Variants in GRID1 observed in about 807,000 individuals in gnomAD.
The protein encoded by GRID1 is glutamate ionotropic receptor delta type subunit 1.
In GRID1, 28 loss-of-function variants were observed where a neutral mutation model predicts 98.0. That is an observed-to-expected ratio of 0.29 (90% CI 0.21 to 0.39). GRID1 has a LOEUF of 0.39. Ranked by LOEUF, GRID1 falls within the 10% of genes least tolerant of loss-of-function variation. The pLI is 1.00. For synonymous variants in GRID1, 553 were observed against 538.5 expected (o/e 1.03, Z -0.37); for missense variants, 1,111 against 1,340.5 (o/e 0.83, Z 2.67).
At chr10:85,621,777 A>G (rs34929197) in intron 13 of GRID1, among the ~76,000 whole-genome samples, 31,459 of 152,008 alleles carry the variant, frequency 0.21, 3,662 homozygotes, top group African/African-American at 0.29. Context: ...GAAGATAACA[A>G]TCCTATAAAT....
rs1433840432 is a variant in GRID1 at position 85,820,137 on chromosome 10, GAAAC to G, written c.1233+34355_1233+34358del. On this transcript the variant is annotated intron_variant, in intron 8 of 15. Transcript: ENST00000327946. ...AGGAAAGAAAGAAGGGAGAAAGAAA[GAAAC>G]AGAAAGAAAGAAAGAAAGAAAGAAA... Among the ~76,000 whole-genome samples, 13 of 119,422 alleles carry G rather than the reference GAAAC, an allele frequency of 1.1e-4. No homozygotes were observed. The South Asian group carries it at 1.7e-3, about 15-fold the overall frequency. The allele number at this position is 119,422 out of a possible 152,430, so 78.3% of individuals were successfully genotyped here. A position where few individuals can be genotyped will look rare whatever the true frequency, so the allele number is the denominator to read the frequency against.
chr10:86,268,448 C>CAAGG (rs1163766760), intron 2 of GRID1, among the ~76,000 whole-genome samples: 4 of 152,196 alleles, frequency 2.6e-5, no homozygotes, highest in Non-Finnish European at 1.5e-5. Flanking sequence ...GCAGCCTGAG[C>CAAGG]AAGGAATCAG....
chr10:85,956,345 G>A (rs1842188988), intron 4 of GRID1, among the ~76,000 whole-genome samples: 1 of 150,816 alleles, frequency 6.6e-6, no homozygotes, highest in Non-Finnish European at 1.5e-5. Flanking sequence ...TCCTATTCCA[G>A]CAAGCTTCTG....
chr10:85,848,541 T>C (rs190107620), intron 8 of GRID1, among the ~76,000 whole-genome samples: 160 of 152,276 alleles, frequency 1.1e-3, no homozygotes, highest in Non-Finnish European at 2.0e-3. Context: ...ATATAAAATG[T>C]ATTACAATAA....
intron 13 of GRID1, among the ~76,000 whole-genome samples, chr10:85,637,518 G>C (rs74370230): frequency 0.034 from 5,109 of 152,312 alleles, 130 homozygotes; most frequent in Non-Finnish European, 0.048. Context: ...CTGTGAAGCA[G>C]TGAAAAGACC....
At chr10:85,639,746 G>A (rs1471399660) in intron 13 of GRID1, among the ~76,000 whole-genome samples, 2 of 152,176 alleles carry the variant, frequency 1.3e-5, no homozygotes, top group Non-Finnish European at 2.9e-5. Flanking sequence ...GGTGGCACAT[G>A]CCTGTAATCC....
At chr10:86,201,492 C>A (rs576980516) in intron 3 of GRID1, among the ~76,000 whole-genome samples, 14 of 152,132 alleles carry the variant, frequency 9.2e-5, no homozygotes, top group African/African-American at 2.9e-4. Context: ...AACCCATGGA[C>A]ACACAGAGGG....
chr10:85,970,992 T>C (rs1275858010), intron 4 of GRID1, among the ~76,000 whole-genome samples: 1 of 152,032 alleles, frequency 6.6e-6, no homozygotes, highest in Non-Finnish European at 1.5e-5. Flanking sequence ...TTCTGCAAGG[T>C]TGCAGGATAC....
chr10:85,845,114 TA>T lies in GRID1; in HGVS notation c.1233+9381del, dbSNP rs565885463. Among the ~76,000 whole-genome samples the T allele has an allele frequency of 8.7e-3, 1,266 of 145,880 alleles. 11 individuals carry two copies. Among genetic ancestry groups the T allele is most frequent in the African/African-American group, 0.021 (848 of 39,898 alleles). ...AATGCAACAAGACAGGAGAAAGAAATAAAAAAAAAACAATTAGAAATGCAAA... is the reference window on the plus strand; with the variant it reads ...AATGCAACAAGACAGGAGAAAGAAATAAAAAAAAACAATTAGAAATGCAAA... On this transcript the variant is annotated intron_variant, in intron 8 of 15. Coordinates refer to ENST00000327946, the MANE Select transcript of GRID1 (RefSeq NM_017551.3).
chr10:86,065,731 C>T (rs1017560228), intron 4 of GRID1, among the ~76,000 whole-genome samples: 1 of 152,262 alleles, frequency 6.6e-6, no homozygotes, highest in African/African-American at 2.4e-5. Context: ...ACGAGGCAGC[C>T]TCAGCCCTCT....
At position 85,602,487 on chromosome 10, in the gene GRID1, G is replaced by A; in HGVS notation, c.2816C>T (p.Thr939Ile). ...GGGCCCTGATGAGAGTGTCCGGCTGGTGCCATGGCTGCTCTGCTCTGGCAG... is the reference window on the plus strand; with the variant it reads ...GGGCCCTGATGAGAGTGTCCGGCTGATGCCATGGCTGCTCTGCTCTGGCAG... ...TFLPEQSSHG[T>I]SRTLSSGPSS... The change falls in exon 16 of 16, where the codon ACC (threonine) becomes ATC (isoleucine). Residue 939 changes from threonine (T) to isoleucine (I), a missense_variant. By Grantham distance (89) the Thr-to-Ile change is moderately conservative (BLOSUM62 -1). Coordinates refer to ENST00000327946, the MANE Select transcript of GRID1 (RefSeq NM_017551.3). 6.2e-7 allele frequency: 1 copy of A among 1,614,156 alleles called. No individual in the cohort carries two copies. Among genetic ancestry groups the A allele is most frequent in the African/African-American group, 1.3e-5 (1 of 75,058 alleles).
intron 2 of GRID1, among the ~76,000 whole-genome samples, chr10:86,268,719 A>G (rs1847142056): frequency 6.6e-6 from 1 of 151,996 alleles, no homozygotes; most frequent in Admixed American, 6.6e-5. Flanking sequence ...AGCCGGGCGC[A>G]GTGGCTCACA....
intron 3 of GRID1, among the ~76,000 whole-genome samples, chr10:86,146,992 T>C (rs553445355): frequency 1.9e-4 from 29 of 152,238 alleles, no homozygotes; most frequent in Admixed American, 3.9e-4. Flanking sequence ...GTTGGTAAAA[T>C]TGGAAGCAGG....
intron 2 of GRID1, among the ~76,000 whole-genome samples, chr10:86,345,691 G>C (rs1197424753): frequency 2.6e-5 from 4 of 152,194 alleles, no homozygotes; most frequent in African/African-American, 7.2e-5. Context: ...TAAGGGCCTA[G>C]ATGGAGGCAC....
intron 2 of GRID1, among the ~76,000 whole-genome samples, chr10:86,302,832 G>A (rs1381353163): frequency 6.6e-6 from 1 of 152,188 alleles, no homozygotes; most frequent in Non-Finnish European, 1.5e-5. Context: ...CAGCAGCAGC[G>A]CCAATTGAGA....
At chr10:86,282,108 G>C (rs904167696) in intron 2 of GRID1, among the ~76,000 whole-genome samples, 7 of 152,230 alleles carry the variant, frequency 4.6e-5, no homozygotes, top group African/African-American at 1.7e-4. Context: ...TTGCTCATCT[G>C]CAAACTGGGA....
At chr10:85,660,188 C>T (rs1176278756) in intron 12 of GRID1, among the ~76,000 whole-genome samples, 1 of 152,224 alleles carries the variant, frequency 6.6e-6, no homozygotes, top group Non-Finnish European at 1.5e-5. Context: ...GCCTGCAATG[C>T]CTGGGGGGCA....
intron 5 of GRID1, among the ~76,000 whole-genome samples, chr10:85,890,153 G>A (rs572171462): frequency 1.3e-5 from 2 of 152,000 alleles, no homozygotes; most frequent in Non-Finnish European, 2.9e-5. Context: ...TATCTAGTGA[G>A]CCATTGTGGT....
chr10:85,876,020 T>C (rs1463211478), intron 5 of GRID1, among the ~76,000 whole-genome samples: 1 of 152,242 alleles, frequency 6.6e-6, no homozygotes, highest in Non-Finnish European at 1.5e-5. Flanking sequence ...TATTTTTATC[T>C]CACTCTTGAA....
Sources: gnomAD v4.1 joint callset for allele counts (sites outside exome capture counted in the v4.1 genomes callset) on GRCh38, gnomAD v4.1.1 for gene constraint, MANE v1.5 for transcripts, NCBI Gene and HGNC (gene_info 2026-07-23, HGNC 2026-07-21) for gene names.